The following CCDC85A variants were observed in gnomAD, a reference collection of about 807,000 sequenced individuals.
CCDC85A encodes coiled-coil domain containing 85A.
CCDC85A carries 38 observed loss-of-function variants against 50.2 expected under a neutral mutation model. That is an observed-to-expected ratio of 0.76 (90% CI 0.58 to 0.99). The LOEUF is 0.99. CCDC85A is among the 50% of genes least tolerant of loss of function. CCDC85A has a pLI of 0.00. For synonymous variants in CCDC85A, 366 were observed against 301.4 expected (o/e 1.21, Z -2.22); for missense variants, 820 against 742.0 (o/e 1.11, Z -1.22).
intron 2 of CCDC85A, among the ~76,000 whole-genome samples, chr2:56,280,792 C>T (rs1334102287): frequency 1.3e-5 from 2 of 152,172 alleles, no homozygotes; most frequent in African/African-American, 4.8e-5. Context: ...CTCTCCCTCA[C>T]AAACTTTTGG....
intron 2 of CCDC85A, among the ~76,000 whole-genome samples, chr2:56,243,902 G>C (rs369489058): frequency 6.6e-6 from 1 of 152,210 alleles, no homozygotes; most frequent in African/African-American, 2.4e-5. Context: ...TAGAGGTATT[G>C]CCTTGGTGGT....
Position 56,352,492 on chromosome 2 carries a change from C to T in CCDC85A, c.1317+9537C>T, listed in dbSNP as rs201070652. ...TCCTGAGTAGCTGGGATTACAGGCA[C>T]GCGCCACCACGCCCAGCTAATTTTT... is the stretch of plus-strand genomic sequence containing the variant. On this transcript the variant is annotated intron_variant, in intron 3 of 5. Transcript: ENST00000407595. Among the ~76,000 whole-genome samples the T allele has an allele frequency of 3.8e-4, 58 of 152,090 alleles. 1 individual carries two copies. The highest frequency in any genetic ancestry group is 1.4e-3 in the East Asian group (7 of 5,162).
At chr2:56,293,734 T>C (rs1195354226) in intron 2 of CCDC85A, among the ~76,000 whole-genome samples, 1 of 151,934 alleles carries the variant, frequency 6.6e-6, no homozygotes, top group Non-Finnish European at 1.5e-5. Context: ...TTAGAGAAAT[T>C]CAAATCAAAA....
At chr2:56,204,188 A>G (rs1392466167) in intron 2 of CCDC85A, among the ~76,000 whole-genome samples, 1 of 152,224 alleles carries the variant, frequency 6.6e-6, no homozygotes, top group Non-Finnish European at 1.5e-5. Flanking sequence ...TTAACATCAT[A>G]ATTTCATAGA....
chr2:56,276,270 C>CTTTTTATTTTGCTTACTGGA, intron 2 of CCDC85A, among the ~76,000 whole-genome samples: 1 of 152,134 alleles, frequency 6.6e-6, no homozygotes, highest in African/African-American at 2.4e-5. Flanking sequence ...TTTTTGAGTG[C>CTTTTTATTTTGCTTACTGGA]TTTTTATTTT....
intron 2 of CCDC85A, among the ~76,000 whole-genome samples, chr2:56,300,467 G>C (rs7561764): frequency 6.6e-6 from 1 of 151,994 alleles, no homozygotes; most frequent in East Asian, 1.9e-4. Context: ...TTTCCCAATA[G>C]GGGCAGTTTT....
intron 5 of CCDC85A, chr2:56,383,829 T>G (rs1676704184): frequency 1.2e-6 from 1 of 855,410 alleles, no homozygotes; most frequent in African/African-American, 1.8e-5. Flanking sequence ...AGGATGATCT[T>G]GCCAAGGTGT....
intron 2 of CCDC85A, among the ~76,000 whole-genome samples, chr2:56,334,295 A>C (rs1673968754): frequency 6.6e-6 from 1 of 152,228 alleles, no homozygotes; most frequent in Non-Finnish European, 1.5e-5. Context: ...TACCTGGCAC[A>C]TAGCAGATAA....
rs567975911 is a variant in CCDC85A at position 56,308,785 on chromosome 2, A to G, written c.1241-34094A>G. 2.0e-5 allele frequency among the ~76,000 whole-genome samples: 3 copies of G among 152,266 alleles called. 1 individual carries two copies. In the South Asian group the frequency reaches 6.2e-4, roughly 32 times the overall value. ...ATCTGCTGCATACACTTTCTCATTG[A>G]CCGCTGCGCTGTAGTAGAGACAGTG... On this transcript the variant is annotated intron_variant, in intron 2 of 5. Transcript: ENST00000407595.
At chr2:56,323,212 G>A (rs1427028533) in intron 2 of CCDC85A, among the ~76,000 whole-genome samples, 3 of 152,094 alleles carry the variant, frequency 2.0e-5, no homozygotes, top group African/African-American at 4.8e-5. Context: ...GTTAATGGGT[G>A]CAGCACACCA....
At chr2:56,289,655 A>T (rs996027533) in intron 2 of CCDC85A, among the ~76,000 whole-genome samples, 1 of 152,068 alleles carries the variant, frequency 6.6e-6, no homozygotes, top group Non-Finnish European at 1.5e-5. Context: ...TCTTGAAAAG[A>T]TCTCAGTGGT....
chr2:56,266,664 G>C (rs1450646017), intron 2 of CCDC85A, among the ~76,000 whole-genome samples: 1 of 143,412 alleles, frequency 7.0e-6, no homozygotes, highest in Non-Finnish European at 1.5e-5. Context: ...GGGTTTTGCA[G>C]ATTTCTGGTT....
Position 56,184,832 on chromosome 2 carries a change from C to T in CCDC85A, c.208C>T (p.His70Tyr). 6.5e-7 allele frequency: 1 copy of T among 1,543,186 alleles called. No individual in the cohort carries two copies. Among genetic ancestry groups the T allele is most frequent in the Non-Finnish European group, 8.7e-7 (1 of 1,145,334 alleles). ...GGAGAAGGTGAGCGCGATGCTGGAC[C>T]ACAGCAACCTCATCCGCGAGGTGAA... Reference protein sequence around the residue: ...EAEKVSAMLDHSNLIREVNRR... With the variant: ...EAEKVSAMLDYSNLIREVNRR... Residue 70 changes from histidine to tyrosine, a missense_variant, in exon 1 of 6, where the codon CAC (histidine) becomes TAC (tyrosine). Physicochemically the swap from His to Tyr is moderately conservative, Grantham distance 83. Coordinates refer to ENST00000407595, the MANE Select transcript of CCDC85A (RefSeq NM_001080433.2).
chr2:56,276,420 C>T (rs1486832570), intron 2 of CCDC85A, among the ~76,000 whole-genome samples: 1 of 152,036 alleles, frequency 6.6e-6, no homozygotes, highest in African/African-American at 2.4e-5. Flanking sequence ...AATTGTAACT[C>T]CTGAAATTCC....
chr2:56,326,647 C>T (rs1673486453), intron 2 of CCDC85A, among the ~76,000 whole-genome samples: 1 of 151,998 alleles, frequency 6.6e-6, no homozygotes, highest in African/African-American at 2.4e-5. Context: ...AGATTTATTT[C>T]TTATTTCAAT....
At chr2:56,218,941 T>C (rs1237864606) in intron 2 of CCDC85A, among the ~76,000 whole-genome samples, 4 of 151,850 alleles carry the variant, frequency 2.6e-5, no homozygotes, top group Non-Finnish European at 5.9e-5. Context: ...TTTATTCATC[T>C]ATAAAGATAT....
Position 56,349,282 on chromosome 2 carries a change from G to A in CCDC85A, c.1317+6327G>A, listed in dbSNP as rs577321117. Among the ~76,000 whole-genome samples the A allele has an allele frequency of 2.0e-5, 3 of 152,180 alleles. No individual in the cohort carries two copies. In the South Asian group the frequency reaches 6.2e-4, roughly 32 times the overall value. On this transcript the variant is annotated intron_variant, in intron 3 of 5. Coordinates refer to ENST00000407595, the MANE Select transcript of CCDC85A (RefSeq NM_001080433.2). ...TATGGAACAACGTTTTCTCTAAATT[G>A]ACATAATTTATATAATTAAAGGAAA... is the stretch of plus-strand genomic sequence containing the variant.
chr2:56,248,756 G>C (rs926062215), intron 2 of CCDC85A, among the ~76,000 whole-genome samples: 4 of 152,152 alleles, frequency 2.6e-5, no homozygotes, highest in Non-Finnish European at 5.9e-5. Context: ...CCACCTACAT[G>C]ATTTCAGTGT....
chr2:56,226,300 G>A (rs1668539512), intron 2 of CCDC85A, among the ~76,000 whole-genome samples: 1 of 152,122 alleles, frequency 6.6e-6, no homozygotes, highest in South Asian at 2.1e-4. Context: ...TGAGGGCAAG[G>A]ACTGTATCTG....
Sources: gnomAD v4.1 joint callset for allele counts (sites outside exome capture counted in the v4.1 genomes callset) on GRCh38, gnomAD v4.1.1 for gene constraint, MANE v1.5 for transcripts, NCBI Gene and HGNC (gene_info 2026-07-23, HGNC 2026-07-21) for gene names.